Variants in NRG1 observed in about 807,000 individuals in gnomAD.
The protein encoded by NRG1 is neuregulin 1, also known as pro-neuregulin-1, membrane-bound isoform.
A neutral mutation model predicts 63.8 loss-of-function variants in NRG1; 18 were observed. The ratio of observed to expected loss-of-function variants is 0.28; its 90% CI spans 0.19 to 0.42. The LOEUF is 0.42. Among genes scored for constraint, NRG1 ranks in the 10% least tolerant of loss-of-function variants. The pLI is 1.00. For missense variants in NRG1, 762 were observed against 814.7 expected, an observed-to-expected ratio of 0.94 and a Z score of 0.79; for synonymous variants, 302 against 301.3, an observed-to-expected ratio of 1.00 and a Z score of -0.02.
At chr8:32,611,503 T>G (rs1846351805) in intron 3 of NRG1, among the ~76,000 whole-genome samples, 1 of 152,040 alleles carries the variant, frequency 6.6e-6, no homozygotes, top group Non-Finnish European at 1.5e-5. Flanking sequence ...GGCAAATACA[T>G]GAGAACAATA....
At chr8:32,545,476 G>GTT (rs33978908), upstream of NRG1, among the ~76,000 whole-genome samples, 30 of 149,436 alleles carry the variant, frequency 2.0e-4, no homozygotes, top group South Asian at 3.0e-3. Context: ...ATACAATTGG[G>GTT]TTTTTTTTTT....
intron 1 of NRG1, among the ~76,000 whole-genome samples, chr8:32,290,692 G>A (rs1401724672): frequency 6.6e-6 from 1 of 152,088 alleles, no homozygotes; most frequent in Non-Finnish European, 1.5e-5. Flanking sequence ...ACCCACAGAA[G>A]CCCAAAACTC....
chr8:31,715,324 A>G (rs1563321817), intron 1 of NRG1, among the ~76,000 whole-genome samples: 1 of 152,196 alleles, frequency 6.6e-6, no homozygotes, highest in Non-Finnish European at 1.5e-5. Context: ...GCTTAAAAAT[A>G]AAGAAAAAAT....
chr8:31,800,347 T>A (rs915587836), intron 1 of NRG1, among the ~76,000 whole-genome samples: 1 of 152,172 alleles, frequency 6.6e-6, no homozygotes, highest in Non-Finnish European at 1.5e-5. Context: ...TCTGGTCAGG[T>A]GAAAACAAGC....
chr8:32,453,632 G>A (rs1260550416), intron 1 of NRG1, among the ~76,000 whole-genome samples: 1 of 152,182 alleles, frequency 6.6e-6, no homozygotes, highest in Non-Finnish European at 1.5e-5. Flanking sequence ...ATGGCTCAGA[G>A]GCTTTTCTGC....
chr8:32,140,128 T>G (rs1241344390), intron 1 of NRG1, among the ~76,000 whole-genome samples: 2 of 152,130 alleles, frequency 1.3e-5, no homozygotes, highest in African/African-American at 4.8e-5. Context: ...AGGAATTGCT[T>G]GAATACCACG....
At chr8:31,912,089 A>T (rs912747373) in intron 1 of NRG1, among the ~76,000 whole-genome samples, 48 of 152,354 alleles carry the variant, frequency 3.2e-4, no homozygotes, top group African/African-American at 1.1e-3. Context: ...GATGTGGCTT[A>T]AAACCTAGAG....
At chr8:32,291,686 G>C (rs747749021) in intron 1 of NRG1, among the ~76,000 whole-genome samples, 3 of 151,736 alleles carry the variant, frequency 2.0e-5, no homozygotes, top group Admixed American at 6.6e-5. Flanking sequence ...AGGACTACAG[G>C]TGCACACCAC....
chr8:31,639,621 A>C, intron 1 of NRG1: 2 of 1,391,538 alleles, frequency 1.4e-6, no homozygotes, highest in Non-Finnish European at 1.9e-6. Flanking sequence ...CTCCACCTCC[A>C]CGTCCTCCTC....
At chr8:32,661,310 G>T (rs1589049740) in intron 5 of NRG1, among the ~76,000 whole-genome samples, 1 of 152,166 alleles carries the variant, frequency 6.6e-6, no homozygotes, top group African/African-American at 2.4e-5. Context: ...TTTGAATTCT[G>T]CAATGCTATC....
At chr8:32,256,123 G>T in intron 1 of NRG1, among the ~76,000 whole-genome samples, 1 of 151,888 alleles carries the variant, frequency 6.6e-6, no homozygotes, top group Non-Finnish European at 1.5e-5. Flanking sequence ...CTTTTTTCAA[G>T]TTTCTTACCT....
intron 1 of NRG1, among the ~76,000 whole-genome samples, chr8:31,842,403 G>A (rs1195251305): frequency 1.3e-5 from 2 of 152,184 alleles, no homozygotes; most frequent in Non-Finnish European, 2.9e-5. Context: ...AAATTAGTAA[G>A]CAACAAACTG....
chr8:32,593,244 G>T (rs1842813341), intron 1 of NRG1, among the ~76,000 whole-genome samples: 1 of 152,140 alleles, frequency 6.6e-6, no homozygotes, highest in South Asian at 2.1e-4. Context: ...GTAAAATCCA[G>T]AGGGGTGAAG....
chr8:32,413,040 G>A (rs1476908286), intron 1 of NRG1, among the ~76,000 whole-genome samples: 61 of 152,220 alleles, frequency 4.0e-4, no homozygotes, highest in Admixed American at 3.9e-3. Flanking sequence ...CAGATACCGC[G>A]TGCTCCATCT....
chr8:31,870,610 T>C (rs1014764356), intron 1 of NRG1, among the ~76,000 whole-genome samples: 5 of 152,198 alleles, frequency 3.3e-5, no homozygotes, highest in African/African-American at 1.2e-4. Flanking sequence ...TATTAAAAAG[T>C]AAACACAAAA....
intron 1 of NRG1, among the ~76,000 whole-genome samples, chr8:32,364,862 A>G (rs1342938688): frequency 1.3e-5 from 2 of 152,006 alleles, no homozygotes; most frequent in Non-Finnish European, 2.9e-5. Flanking sequence ...GTGAAAAATG[A>G]CATCTGATAG....
In NRG1 at chr8:32,745,671, G is replaced by GT. The variant is rs368591197; in HGVS notation, c.691+2938_691+2939insT. Among the ~76,000 whole-genome samples, 85 of 109,346 alleles carry GT rather than the reference G, an allele frequency of 7.8e-4. 1 individual carries two copies. The highest frequency in any genetic ancestry group is 3.1e-3 in the African/African-American group (79 of 25,528). 71.7% of individuals were successfully genotyped at this position (109,346 alleles called of 152,430 possible). A position where few individuals can be genotyped will look rare whatever the true frequency, so the allele number is the denominator to read the frequency against. ...TTGTGTTCATCGATATGTGGTGTGT[G>GT]GGGGGTGTGTGTGTGTTCGTGTGTG... On this transcript the variant is annotated intron_variant, in intron 7 of 11. Coordinates refer to ENST00000356819, the Ensembl canonical transcript of NRG1.
At chr8:31,984,783 C>CTAATGATG (rs1809764049) in intron 1 of NRG1, among the ~76,000 whole-genome samples, 1 of 152,080 alleles carries the variant, frequency 6.6e-6, no homozygotes, top group Non-Finnish European at 1.5e-5. Context: ...GGCACATTGC[C>CTAATGATG]CCTGTGTACC....
rs1438812446 is a variant in NRG1, at chr8:32,570,232, C to T, written c.100+21406C>T. Reference sequence around the variant, plus strand: ...CCTCTGATATTTATCTTTATATTTTCTATATAACATGCATGTTCTGCTGTT... The same window carrying T: ...CCTCTGATATTTATCTTTATATTTTTTATATAACATGCATGTTCTGCTGTT... On this transcript the variant is annotated intron_variant, in intron 1 of 11. Coordinates refer to ENST00000356819, the Ensembl canonical transcript of NRG1. Among the ~76,000 whole-genome samples, 3 of 152,060 alleles carry T rather than the reference C, an allele frequency of 2.0e-5. No homozygotes were observed. The East Asian group carries it at 5.8e-4, about 29-fold the overall frequency.
Sources: gnomAD v4.1 joint callset for allele counts (sites outside exome capture counted in the v4.1 genomes callset) on GRCh38, gnomAD v4.1.1 for gene constraint, MANE v1.5 for transcripts, NCBI Gene and HGNC (gene_info 2026-07-23, HGNC 2026-07-21) for gene names.